Variants in ANKH observed in about 807,000 individuals in gnomAD.
The protein encoded by ANKH is ANKH inorganic pyrophosphate transport regulator, also known as mineralization regulator ANKH.
Under a neutral mutation model 49.0 loss-of-function variants are expected in ANKH, and 15 were observed. The ratio of observed to expected loss-of-function variants is 0.31; its 90% CI spans 0.20 to 0.47. The LOEUF (loss-of-function observed/expected upper bound fraction) is 0.47, where lower values mean the gene tolerates loss of function less well. ANKH is among the 20% of genes least tolerant of loss of function. The pLI is 1.00. For synonymous variants in ANKH, 273 were observed against 260.0 expected (o/e 1.05, Z -0.48); for missense variants, 429 against 652.0 (o/e 0.66, Z 3.72).
intron 8 of ANKH, among the ~76,000 whole-genome samples, chr5:14,720,181 G>T (rs564933613): frequency 6.6e-6 from 1 of 152,022 alleles, no homozygotes; most frequent in Non-Finnish European, 1.5e-5. Flanking sequence ...ATTCCCCTAC[G>T]TATTTTCTGC....
At position 14,721,372 on chromosome 5, in the gene ANKH, C is replaced by T. The variant is rs551344152; in HGVS notation, c.1012-4537G>A. Among the ~76,000 whole-genome samples the T allele has an allele frequency of 3.8e-4, 58 of 152,278 alleles. 1 individual carries two copies. In the South Asian group the frequency reaches 4.4e-3, roughly 11 times the overall value. On this transcript the variant is annotated intron_variant, in intron 8 of 11. Coordinates refer to ENST00000284268, the MANE Select transcript of ANKH (RefSeq NM_054027.6). ...AGTTTTCAACCACACACACCTACAG[C>T]CCAGACTGGGTCTTCGCGGGGTATC...
intron 1 of ANKH, among the ~76,000 whole-genome samples, chr5:14,839,604 G>T (rs980296250): frequency 1.3e-5 from 2 of 151,456 alleles, no homozygotes; most frequent in African/African-American, 4.9e-5. Context: ...GCTAGATTTT[G>T]ATCAGTCTCC....
intron 1 of ANKH, among the ~76,000 whole-genome samples, chr5:14,867,631 C>T (rs1195567872): frequency 2.0e-5 from 3 of 152,046 alleles, no homozygotes; most frequent in Non-Finnish European, 2.9e-5. Flanking sequence ...GCAATCTCGG[C>T]TCACTGCAAG....
At chr5:14,814,932 G>A (rs754186328) in intron 1 of ANKH, among the ~76,000 whole-genome samples, 12 of 152,188 alleles carry the variant, frequency 7.9e-5, no homozygotes, top group Non-Finnish European at 1.8e-4. Flanking sequence ...TACTAAACAA[G>A]GCCCTTTTAC....
At chr5:14,785,782 T>C (rs2453320) in intron 1 of ANKH, among the ~76,000 whole-genome samples, 100,692 of 151,956 alleles carry the variant, frequency 0.66, 33,512 homozygotes, top group South Asian at 0.77. Flanking sequence ...CGGCAGGGCG[T>C]GGTGGCTCAC....
rs995607972 is a variant in ANKH, at chr5:14,751,254, A to G, written c.517-15T>C. The G allele has an allele frequency of 3.1e-6, 5 of 1,613,626 alleles. No individual in the cohort carries two copies. The African/African-American group carries it at 6.7e-5, about 22-fold the overall frequency. The stretch of plus-strand genomic sequence containing the variant: ...ACAAAAACAACCTGAGAGAAGGGAG[A>G]ACGGGAACAGGTCAGAGGGGAGAAG... On this transcript the variant is annotated splice_polypyrimidine_tract_variant and intron_variant, in intron 4 of 11. Transcript: ENST00000284268.
chr5:14,738,392 C>T (rs1738251380), intron 8 of ANKH, among the ~76,000 whole-genome samples: 1 of 152,154 alleles, frequency 6.6e-6, no homozygotes, highest in South Asian at 2.1e-4. Context: ...TGGGTGTCTA[C>T]AGGATCCTGG....
chr5:14,771,121 T>C (rs1257510096), intron 1 of ANKH, among the ~76,000 whole-genome samples: 1 of 152,208 alleles, frequency 6.6e-6, no homozygotes, highest in African/African-American at 2.4e-5. Context: ...ATGTCAACAA[T>C]ACCAAAGGAG....
intron 1 of ANKH, among the ~76,000 whole-genome samples, chr5:14,829,395 A>C (rs1201922796): frequency 6.6e-6 from 1 of 152,174 alleles, no homozygotes; most frequent in South Asian, 2.1e-4. Context: ...AGAATAATTC[A>C]TCAAACAATC....
chr5:14,846,844 G>A (rs759561693), intron 1 of ANKH, among the ~76,000 whole-genome samples: 19 of 150,608 alleles, frequency 1.3e-4, no homozygotes, highest in Non-Finnish European at 1.2e-4. Context: ...ACACACACAC[G>A]CACACAAAAA....
At chr5:14,865,753 G>A (rs546394830) in intron 1 of ANKH, among the ~76,000 whole-genome samples, 3 of 152,290 alleles carry the variant, frequency 2.0e-5, no homozygotes, top group African/African-American at 7.2e-5. Flanking sequence ...GAGGAGGTGT[G>A]GAGAGGGTGC....
intron 1 of ANKH, among the ~76,000 whole-genome samples, chr5:14,774,819 G>C (rs75161167): frequency 6.6e-6 from 1 of 152,052 alleles, no homozygotes; most frequent in Non-Finnish European, 1.5e-5. Context: ...TACAACATGG[G>C]GGGTGGTAGG....
chr5:14,836,674 G>GGGCAGTA (rs1237118552), intron 1 of ANKH, among the ~76,000 whole-genome samples: 1 of 152,114 alleles, frequency 6.6e-6, no homozygotes, highest in Non-Finnish European at 1.5e-5. Flanking sequence ...AATCAATATT[G>GGGCAGTA]TGAAAATGGC....
intron 2 of ANKH, among the ~76,000 whole-genome samples, chr5:14,762,259 A>G (rs1739111424): frequency 6.6e-6 from 1 of 152,228 alleles, no homozygotes; most frequent in South Asian, 2.1e-4. Flanking sequence ...GCCTTCATGC[A>G]GAGTAACTGG....
chr5:14,846,932 C>G (rs980895381), intron 1 of ANKH, among the ~76,000 whole-genome samples: 7 of 146,612 alleles, frequency 4.8e-5, no homozygotes, highest in African/African-American at 1.8e-4. Flanking sequence ...TGCTTGAACT[C>G]AGGAGACGGA....
At chr5:14,847,016 A>AAAAC (rs1443679213) in intron 1 of ANKH, among the ~76,000 whole-genome samples, 3 of 151,710 alleles carry the variant, frequency 2.0e-5, no homozygotes, top group African/African-American at 4.8e-5. Flanking sequence ...AAAAAAAAAA[A>AAAAC]AAAAAACAAT....
chr5:14,830,634 T>A (rs572599910), intron 1 of ANKH, among the ~76,000 whole-genome samples: 2 of 152,028 alleles, frequency 1.3e-5, no homozygotes, highest in South Asian at 2.1e-4. Context: ...TGAAAGAGAA[T>A]AACAGCAAGT....
chr5:14,813,609 T>C (rs1331765951), intron 1 of ANKH, among the ~76,000 whole-genome samples: 1 of 152,092 alleles, frequency 6.6e-6, no homozygotes, highest in Non-Finnish European at 1.5e-5. Flanking sequence ...ACAGTGACCT[T>C]CAATGCCTGG....
intron 8 of ANKH, among the ~76,000 whole-genome samples, chr5:14,740,664 C>T (rs943826328): frequency 3.3e-5 from 5 of 152,154 alleles, no homozygotes; most frequent in African/African-American, 4.8e-5. Context: ...GTTGGATCAA[C>T]GGATCAAATA....
Sources: gnomAD v4.1 joint callset for allele counts (sites outside exome capture counted in the v4.1 genomes callset) on GRCh38, gnomAD v4.1.1 for gene constraint, MANE v1.5 for transcripts, NCBI Gene and HGNC (gene_info 2026-07-23, HGNC 2026-07-21) for gene names.